Variants in PHTF1 observed in about 807,000 individuals in gnomAD.
PHTF1 encodes the protein protein PHTF1.
PHTF1 carries 88 observed loss-of-function variants against 102.4 expected under a neutral mutation model. That is an observed-to-expected ratio of 0.86 (90% confidence interval 0.72 to 1.03). The LOEUF (loss-of-function observed/expected upper bound fraction) is 1.03. PHTF1 is among the 50% of genes least tolerant of loss of function. The pLI is 0.00. For missense variants in PHTF1, 814 were observed against 909.5 expected, an observed-to-expected ratio of 0.89 and a Z score of 1.35; for synonymous variants, 289 against 305.2, an observed-to-expected ratio of 0.95 and a Z score of 0.55.
chr1:113,706,702 C>T lies in PHTF1; in HGVS notation c.1290G>A (p.Gln430=), dbSNP rs12060836. ...CTCGATCAGAGGAAGGACTTGAATT[C>T]TGAAGCCAGAATAAATGATTCTGAG... ...VFQQNHLFWL[Q]NSSPSSDRVS... is the part of the protein sequence containing the mutation. The change falls in exon 12 of 19, where the codon CAG becomes CAA. Residue 430 remains glutamine (Q), a synonymous_variant. Transcript: ENST00000369604. 3,871 of 1,607,028 alleles carry T rather than the reference C, an allele frequency of 2.4e-3. 63 individuals carry two copies. The African/African-American group carries it at 0.04, about 16-fold the overall frequency.
chr1:113,758,358 A>G (rs1345766019), intron 2 of PHTF1, among the ~76,000 whole-genome samples: 1 of 152,114 alleles, frequency 6.6e-6, no homozygotes, highest in African/African-American at 2.4e-5. Flanking sequence ...CTGTGCACAT[A>G]CAGGTTTCAT....
intron 5 of PHTF1, among the ~76,000 whole-genome samples, chr1:113,737,513 G>T (rs4839000): frequency 0.11 from 16,180 of 152,136 alleles, 1,081 homozygotes; most frequent in East Asian, 0.23. Flanking sequence ...AGAACCTAGG[G>T]TGCAAACTTT....
chr1:113,729,843 G>A (rs191974005), intron 5 of PHTF1, among the ~76,000 whole-genome samples: 60 of 152,224 alleles, frequency 3.9e-4, no homozygotes, highest in African/African-American at 1.4e-3. Context: ...CCATCAATCA[G>A]GCCTAAATAA....
rs773378895 is a variant in PHTF1, at chr1:113,724,850, C to T, written c.532G>A (p.Gly178Arg). 3.7e-6 allele frequency: 6 copies of T among 1,608,842 alleles called. No individual in the cohort carries two copies. The highest frequency in any genetic ancestry group is 4.2e-6 in the Non-Finnish European group (5 of 1,177,206). The stretch of plus-strand genomic sequence containing the variant: ...CTGACTTTATCAGAGGAGTTATTTC[C>T]ATTTTCTCGGCTCCCATCACCATTT... Reference protein sequence around the residue: ...TVNGDGSRENGNNSSDKVRGI... With the variant: ...TVNGDGSRENRNNSSDKVRGI... The change falls in exon 7 of 19, where the codon GGA becomes AGA. Residue 178 changes from glycine to arginine, a missense_variant. Gly to Arg is a moderately radical substitution (Grantham distance 125). Coordinates refer to ENST00000369604, the MANE Select transcript of PHTF1 (RefSeq NM_001323043.2).
intron 16 of PHTF1, 142 bp from the exon 17 acceptor site, chr1:113,699,941 T>A (rs182901265): frequency 1.5e-6 from 1 of 674,950 alleles, no homozygotes; most frequent in East Asian, 2.9e-5. Context: ...AGAACATATG[T>A]CATGTGCTCT....
At chr1:113,731,901 T>TAAAA (rs1557947013) in intron 5 of PHTF1, among the ~76,000 whole-genome samples, 1 of 144,716 alleles carries the variant, frequency 6.9e-6, no homozygotes. Context: ...CGTCTCAATT[T>TAAAA]TAAAAAAAAA....
chr1:113,734,770 G>A (rs2101566943), intron 5 of PHTF1, among the ~76,000 whole-genome samples: 1 of 152,318 alleles, frequency 6.6e-6, no homozygotes, highest in East Asian at 1.9e-4. Flanking sequence ...GTTGGTTATA[G>A]TTTGGGGATG....
chr1:113,737,295 C>T (rs1307241529), intron 5 of PHTF1, among the ~76,000 whole-genome samples: 1 of 152,098 alleles, frequency 6.6e-6, no homozygotes, highest in African/African-American at 2.4e-5. Flanking sequence ...GTGTGCAGCG[C>T]ACACACACAC....
intron 3 of PHTF1, among the ~76,000 whole-genome samples, chr1:113,743,190 C>T (rs1656693058): frequency 6.6e-6 from 1 of 151,980 alleles, no homozygotes; most frequent in Non-Finnish European, 1.5e-5. Flanking sequence ...AACTTTTTTA[C>T]TCTTTTGTAA....
At chr1:113,745,867 T>C (rs963086708) in intron 3 of PHTF1, among the ~76,000 whole-genome samples, 1 of 152,228 alleles carries the variant, frequency 6.6e-6, no homozygotes, top group African/African-American at 2.4e-5. Context: ...AATTATTTCA[T>C]TATATATTAT....
chr1:113,712,005 A>T lies in PHTF1; in HGVS notation c.892T>A (p.Ser298Thr). ...TTAACTTCACAACCATTGTCACTTG[A>T]GGCCCCTTCCACACTCCTACGCAAT... The part of the protein sequence containing the change: ...ILLRRSVEGA[S>T]SDNGCEVKNR... The change falls in exon 9 of 19, where the codon TCA (serine) becomes ACA (threonine). Residue 298 changes from serine (S) to threonine (T), a missense_variant. Transcript: ENST00000369604. 1 of 1,613,986 alleles carries T rather than the reference A, an allele frequency of 6.2e-7. No homozygotes were observed. Among genetic ancestry groups the T allele is most frequent in the Non-Finnish European group, 8.5e-7 (1 of 1,179,888 alleles).
At chr1:113,724,968 A>G in intron 6 of PHTF1, 75 bp from the exon 7 acceptor site, 3 of 1,003,536 alleles carry the variant, frequency 3.0e-6, no homozygotes, top group Non-Finnish European at 2.9e-6. Flanking sequence ...CCCTACAGAA[A>G]ATTATACTGA....
chr1:113,709,743 T>TA (rs1479326640), intron 11 of PHTF1, among the ~76,000 whole-genome samples: 3 of 152,168 alleles, frequency 2.0e-5, no homozygotes, highest in Admixed American at 6.5e-5. Flanking sequence ...TAACAGATGG[T>TA]AAAAAATTTA....
intron 3 of PHTF1, among the ~76,000 whole-genome samples, chr1:113,743,765 C>T (rs1656776491): frequency 6.6e-6 from 1 of 152,120 alleles, no homozygotes; most frequent in South Asian, 2.1e-4. Flanking sequence ...TATATGAGGT[C>T]CATTGATGAC....
chr1:113,758,884 A>T, intron 1 of PHTF1, 139 bp downstream of exon 1: 2 of 1,320,538 alleles, frequency 1.5e-6, no homozygotes, highest in Non-Finnish European at 1.9e-6. Context: ...ACAAACAAAA[A>T]AAAACTGGCG....
rs139952662 is a variant in PHTF1, at chr1:113,756,337, T to C, written c.102+1362A>G. Among the ~76,000 whole-genome samples, 426 of 152,290 alleles carry C rather than the reference T, an allele frequency of 2.8e-3. 8 individuals are homozygous for C. The highest frequency in any genetic ancestry group is 0.019 in the East Asian group (98 of 5,182). On this transcript the variant is annotated intron_variant, in intron 3 of 18. Coordinates refer to ENST00000369604, the MANE Select transcript of PHTF1 (RefSeq NM_001323043.2). ...AAGGACTATACCAAATTGTGAAAAGTTAGTCGGCTACTTGTTGTTCAAGTA... is the reference window on the plus strand; with the variant it reads ...AAGGACTATACCAAATTGTGAAAAGCTAGTCGGCTACTTGTTGTTCAAGTA...
At chr1:113,741,910 T>G (rs956017085) in intron 3 of PHTF1, among the ~76,000 whole-genome samples, 2 of 152,130 alleles carry the variant, frequency 1.3e-5, no homozygotes, top group Non-Finnish European at 2.9e-5. Context: ...ACTACTGATC[T>G]TATGGGAGAT....
At chr1:113,719,367 C>T (rs545911222) in intron 7 of PHTF1, among the ~76,000 whole-genome samples, 66 of 152,284 alleles carry the variant, frequency 4.3e-4, no homozygotes, top group Non-Finnish European at 7.9e-4. Context: ...CTCTGCTTCC[C>T]TTATAAAACT....
At chr1:113,746,408 C>T (rs532982839) in intron 3 of PHTF1, among the ~76,000 whole-genome samples, 5 of 152,164 alleles carry the variant, frequency 3.3e-5, no homozygotes, top group African/African-American at 9.7e-5. Flanking sequence ...AAGCAAATCC[C>T]CTGACTAAGG....
Sources: allele counts gnomAD v4.1 joint callset (sites outside exome capture counted in the v4.1 genomes callset), GRCh38; gene constraint gnomAD v4.1.1; transcripts MANE v1.5; gene names NCBI Gene and HGNC (gene_info 2026-07-23, HGNC 2026-07-21).